The following NTM variants were observed in gnomAD, a reference collection of about 807,000 sequenced individuals.
The protein encoded by NTM is IgLON family member 2.
NTM carries 13 observed loss-of-function variants against 42.1 expected under a neutral mutation model. The observed-to-expected ratio is 0.31, with a 90% CI of 0.20 to 0.49. The LOEUF (loss-of-function observed/expected upper bound fraction) is 0.49. NTM is among the 20% of genes least tolerant of loss of function. The pLI is 0.99. For synonymous variants in NTM, 187 were observed against 179.2 expected, an observed-to-expected ratio of 1.04 and a Z score of -0.35; for missense variants, 373 against 452.8, an observed-to-expected ratio of 0.82 and a Z score of 1.60.
chr11:131,886,075 C>A (rs1227318767), intron 1 of NTM, among the ~76,000 whole-genome samples: 1 of 152,162 alleles, frequency 6.6e-6, no homozygotes, highest in Admixed American at 6.5e-5. Flanking sequence ...ACCAGCCCTG[C>A]CAACCAGTAC....
intron 1 of NTM, among the ~76,000 whole-genome samples, chr11:131,742,122 T>C (rs991004085): frequency 1.3e-5 from 2 of 152,124 alleles, no homozygotes; most frequent in Non-Finnish European, 2.9e-5. Flanking sequence ...AACTAATGGA[T>C]ACCAGGCTTA....
intron 1 of NTM, among the ~76,000 whole-genome samples, chr11:131,516,447 C>T (rs944013165): frequency 6.6e-6 from 1 of 152,156 alleles, no homozygotes; most frequent in Non-Finnish European, 1.5e-5. Context: ...GGCGCGATCT[C>T]GGCTCACGCA....
chr11:131,389,012 CAAAAA>C (rs71475749), intron 1 of NTM, among the ~76,000 whole-genome samples: 1 of 98,336 alleles, frequency 1.0e-5, no homozygotes, highest in East Asian at 4.3e-4. Context: ...GACTTCATCA[CAAAAA>C]AAAAAAAAAA....
At chr11:131,611,378 C>G (rs2061451521) in intron 1 of NTM, among the ~76,000 whole-genome samples, 1 of 152,168 alleles carries the variant, frequency 6.6e-6, no homozygotes, top group Non-Finnish European at 1.5e-5. Context: ...ATTCCTGGCT[C>G]CTGCATGTAT....
At chr11:131,658,351 G>T (rs973611393) in intron 1 of NTM, among the ~76,000 whole-genome samples, 1 of 152,114 alleles carries the variant, frequency 6.6e-6, no homozygotes, top group Non-Finnish European at 1.5e-5. Context: ...GCAGTTTTAG[G>T]TTCCAGTAAA....
chr11:132,023,496 G>A (rs1245032450), intron 2 of NTM, among the ~76,000 whole-genome samples: 2 of 152,162 alleles, frequency 1.3e-5, no homozygotes, highest in Non-Finnish European at 2.9e-5. Context: ...CAGGGCTGGC[G>A]GGGCTAGGGT....
At chr11:132,291,198 T>C (rs2094441853) in intron 4 of NTM, among the ~76,000 whole-genome samples, 1 of 152,186 alleles carries the variant, frequency 6.6e-6, no homozygotes, top group South Asian at 2.1e-4. Flanking sequence ...ACCCCTCCAG[T>C]TGTCCCTAAA....
At position 131,523,872 on chromosome 11, in the gene NTM, G is replaced by T. The variant is rs139685413; in HGVS notation, c.82+152984G>T. On this transcript the variant is annotated intron_variant, in intron 1 of 8. Transcript: ENST00000683400. ...ATATCTGGAAGTGAAAGAATTCTCT[G>T]TGCAGTTTGAAAATAGAGAAATGGG... 3.0e-4 allele frequency among the ~76,000 whole-genome samples: 45 copies of T among 151,942 alleles called. 1 individual carries two copies. Among genetic ancestry groups the T allele is most frequent in the African/African-American group, 1.0e-3 (43 of 41,466 alleles).
intron 2 of NTM, among the ~76,000 whole-genome samples, chr11:132,013,791 G>A (rs2072773318): frequency 1.3e-5 from 2 of 152,038 alleles, no homozygotes; most frequent in Admixed American, 6.6e-5. Flanking sequence ...TGATACATAT[G>A]ATATTTTGTT....
chr11:132,067,387 T>C (rs1443738273), intron 2 of NTM, among the ~76,000 whole-genome samples: 2 of 152,160 alleles, frequency 1.3e-5, no homozygotes. Context: ...CAGCATCAAC[T>C]CACATCCAAA....
At chr11:131,610,213 A>C (rs1216023500) in intron 1 of NTM, among the ~76,000 whole-genome samples, 1 of 152,202 alleles carries the variant, frequency 6.6e-6, no homozygotes, top group Non-Finnish European at 1.5e-5. Context: ...GACTCCAGCA[A>C]GGGCGGAGTA....
At chr11:132,118,051 G>A (rs1347212477) in intron 2 of NTM, among the ~76,000 whole-genome samples, 1 of 152,178 alleles carries the variant, frequency 6.6e-6, no homozygotes, top group Non-Finnish European at 1.5e-5. Flanking sequence ...TGTCATAGTA[G>A]ATTAATTGCA....
intron 1 of NTM, among the ~76,000 whole-genome samples, chr11:131,797,929 G>A (rs559545856): frequency 6.6e-6 from 1 of 152,130 alleles, no homozygotes; most frequent in South Asian, 2.1e-4. Context: ...TAGCAGCCAC[G>A]CATTCAACTC....
At chr11:131,923,903 A>G (rs1278308063) in intron 2 of NTM, among the ~76,000 whole-genome samples, 2 of 152,218 alleles carry the variant, frequency 1.3e-5, no homozygotes, top group African/African-American at 4.8e-5. Flanking sequence ...CCTTTGGCAC[A>G]TGGATTAGCC....
intron 1 of NTM, among the ~76,000 whole-genome samples, chr11:131,527,697 A>G (rs1011941976): frequency 2.0e-5 from 3 of 152,224 alleles, no homozygotes; most frequent in Non-Finnish European, 2.9e-5. Flanking sequence ...ACCATGGATC[A>G]TGATGCTTAC....
At chr11:131,904,908 C>G (rs2053646682) in intron 1 of NTM, among the ~76,000 whole-genome samples, 1 of 152,194 alleles carries the variant, frequency 6.6e-6, no homozygotes, top group Non-Finnish European at 1.5e-5. Flanking sequence ...TACTTCCTCT[C>G]TGACTACATC....
At chr11:131,744,134 C>A (rs1304265142) in intron 1 of NTM, among the ~76,000 whole-genome samples, 6 of 152,136 alleles carry the variant, frequency 3.9e-5, no homozygotes, top group African/African-American at 1.4e-4. Flanking sequence ...TTCCTGATTT[C>A]CCCATCTGTG....
chr11:131,876,165 C>T (rs749964724), intron 1 of NTM, among the ~76,000 whole-genome samples: 13 of 152,156 alleles, frequency 8.5e-5, no homozygotes, highest in Non-Finnish European at 1.6e-4. Context: ...AGAGTCAGCA[C>T]TCCGCAGAGG....
intron 7 of NTM, among the ~76,000 whole-genome samples, chr11:132,321,516 T>C (rs1459278337): frequency 6.6e-6 from 1 of 152,004 alleles, no homozygotes; most frequent in Non-Finnish European, 1.5e-5. Context: ...CTCCAAGAAA[T>C]ATGGGACTAT....
Sources: gnomAD v4.1 joint callset for allele counts (sites outside exome capture counted in the v4.1 genomes callset) on GRCh38, gnomAD v4.1.1 for gene constraint, MANE v1.5 for transcripts, NCBI Gene and HGNC (gene_info 2026-07-23, HGNC 2026-07-21) for gene names.